KCNH7: variants seen among roughly 807,000 people sequenced by gnomAD.
KCNH7 encodes the protein voltage-gated inwardly rectifying potassium channel KCNH7.
A neutral mutation model predicts 120.8 loss-of-function variants in KCNH7; 49 were observed. That is an observed-to-expected ratio of 0.41 (90% CI 0.32 to 0.51). The LOEUF is 0.51. KCNH7 is among the 20% of genes least tolerant of loss of function. The probability of loss-of-function intolerance (pLI) is 0.38; values close to 1 mark genes in which losing one functional copy is unlikely to be tolerated. For synonymous variants in KCNH7, 547 were observed against 516.1 expected, an observed-to-expected ratio of 1.06 and a Z score of -0.81; for missense variants, 1,097 against 1,446.6, an observed-to-expected ratio of 0.76 and a Z score of 3.92.
At chr2:162,596,028 A>G (rs1285399413) in intron 2 of KCNH7, among the ~76,000 whole-genome samples, 1 of 152,086 alleles carries the variant, frequency 6.6e-6, no homozygotes, top group African/African-American at 2.4e-5. Context: ...ACTGAAAACT[A>G]TAAAAATAAA....
At chr2:162,658,173 CT>C (rs1293510176) in intron 2 of KCNH7, among the ~76,000 whole-genome samples, 14 of 147,346 alleles carry the variant, frequency 9.5e-5, no homozygotes, top group African/African-American at 3.0e-4. Flanking sequence ...ACAGGCTCAG[CT>C]TTTTTTTTTA....
chr2:162,491,915 C>G (rs1488888254), intron 6 of KCNH7, among the ~76,000 whole-genome samples: 1 of 152,164 alleles, frequency 6.6e-6, no homozygotes, highest in African/African-American at 2.4e-5. Context: ...ACTCTGTCTT[C>G]TCTTCGTGGA....
At chr2:162,405,799 AT>A (rs1687197427) in intron 9 of KCNH7, among the ~76,000 whole-genome samples, 2 of 152,108 alleles carry the variant, frequency 1.3e-5, no homozygotes, top group African/African-American at 4.8e-5. Flanking sequence ...TATAGTATCT[AT>A]TTTATGTGTT....
rs150767976 is a variant in KCNH7, at chr2:162,802,249, G to A, written c.307+34288C>T. ...ATAATTTCCCAATATTATCAAATATGATCAAAGTTTCCAATACTCAAATGG... is the reference window on the plus strand; with the variant it reads ...ATAATTTCCCAATATTATCAAATATAATCAAAGTTTCCAATACTCAAATGG... On this transcript the variant is annotated intron_variant, in intron 2 of 15. Coordinates refer to ENST00000332142, the MANE Select transcript of KCNH7 (RefSeq NM_033272.4). Among the ~76,000 whole-genome samples, 63 of 151,798 alleles carry A rather than the reference G, an allele frequency of 4.2e-4. 1 individual carries two copies. The highest frequency in any genetic ancestry group is 7.8e-4 in the Non-Finnish European group (53 of 67,706).
intron 6 of KCNH7, among the ~76,000 whole-genome samples, chr2:162,503,636 A>C (rs545640984): frequency 2.0e-5 from 3 of 152,170 alleles, no homozygotes; most frequent in African/African-American, 7.2e-5. Context: ...TAATTCAAAA[A>C]CTTCAATGCT....
chr2:162,373,928 CCTT>C (rs1193575488), intron 14 of KCNH7, among the ~76,000 whole-genome samples: 3 of 152,082 alleles, frequency 2.0e-5, no homozygotes, highest in South Asian at 2.1e-4. Flanking sequence ...TGTTTACTAA[CCTT>C]CATTGATTTC....
In KCNH7 at chr2:162,411,711, C is replaced by A. The variant is rs200404713; in HGVS notation, c.2155-11270G>T. 9.9e-5 allele frequency among the ~76,000 whole-genome samples: 15 copies of A among 151,750 alleles called. 1 individual carries two copies. The East Asian group carries it at 2.9e-3, about 29-fold the overall frequency. ...TATAGTAGTATTAGTCTTAACACTT[C>A]TTTAATTAAATCAACTATTAAGATA... On this transcript the variant is annotated intron_variant, in intron 9 of 15. Coordinates refer to ENST00000332142, the MANE Select transcript of KCNH7 (RefSeq NM_033272.4).
At chr2:162,662,378 T>C (rs1483993706) in intron 2 of KCNH7, among the ~76,000 whole-genome samples, 1 of 152,224 alleles carries the variant, frequency 6.6e-6, no homozygotes, top group Non-Finnish European at 1.5e-5. Context: ...TTACACACTA[T>C]TGTGGATTTC....
intron 3 of KCNH7, among the ~76,000 whole-genome samples, chr2:162,533,518 T>A (rs1029986742): frequency 6.6e-6 from 1 of 151,654 alleles, no homozygotes; most frequent in Non-Finnish European, 1.5e-5. Context: ...AAGACTCAAG[T>A]GTCATGATTT....
Position 162,384,673 on chromosome 2 carries a change from C to A in KCNH7, c.2962+15G>T, listed in dbSNP as rs1488955537. On this transcript the variant is annotated intron_variant, in intron 13 of 15. Transcript: ENST00000332142. ...GCACTGAAGAGAGACCACCTGATGTCTAACTCTGGATTACCTTTGCAAGAG... is the reference window on the plus strand; with the variant it reads ...GCACTGAAGAGAGACCACCTGATGTATAACTCTGGATTACCTTTGCAAGAG... 7 of 1,610,864 alleles carry A rather than the reference C, an allele frequency of 4.3e-6. No individual in the cohort carries two copies. The highest frequency in any genetic ancestry group is 5.9e-6 in the Non-Finnish European group (7 of 1,178,148).
intron 3 of KCNH7, among the ~76,000 whole-genome samples, chr2:162,529,193 T>C (rs548737495): frequency 2.1e-4 from 32 of 152,078 alleles, no homozygotes; most frequent in African/African-American, 7.2e-4. Context: ...CTTTACGCTG[T>C]AAGTAAACAA....
At chr2:162,407,778 A>C (rs976601213) in intron 9 of KCNH7, among the ~76,000 whole-genome samples, 1 of 151,998 alleles carries the variant, frequency 6.6e-6, no homozygotes, top group African/African-American at 2.4e-5. Context: ...GATGCTCTAC[A>C]AATAGTTCTT....
At chr2:162,837,383 C>A (rs773654909) in intron 1 of KCNH7, among the ~76,000 whole-genome samples, 3 of 152,180 alleles carry the variant, frequency 2.0e-5, no homozygotes, top group Non-Finnish European at 2.9e-5. Context: ...AATATTTACA[C>A]ACACACAGTA....
chr2:162,775,142 C>T (rs1035881014), intron 2 of KCNH7, among the ~76,000 whole-genome samples: 8 of 152,126 alleles, frequency 5.3e-5, no homozygotes, highest in African/African-American at 1.9e-4. Context: ...TACTCTCCTA[C>T]TGCATGCCTT....
chr2:162,526,321 C>T (rs1691703422), intron 3 of KCNH7, among the ~76,000 whole-genome samples: 1 of 151,742 alleles, frequency 6.6e-6, no homozygotes. Flanking sequence ...GTTTCGGGCA[C>T]TCATTGTCAT....
At chr2:162,762,057 C>A (rs772813431) in intron 2 of KCNH7, among the ~76,000 whole-genome samples, 2 of 152,052 alleles carry the variant, frequency 1.3e-5, no homozygotes, top group Non-Finnish European at 2.9e-5. Context: ...GCGTTGCTCT[C>A]TTTGCCTCTC....
At chr2:162,406,370 TTCAC>T (rs1340735250) in intron 9 of KCNH7, among the ~76,000 whole-genome samples, 1 of 151,994 alleles carries the variant, frequency 6.6e-6, no homozygotes, top group Non-Finnish European at 1.5e-5. Context: ...TTTGATTTAT[TTCAC>T]TTAGTATAGT....
chr2:162,776,255 C>A (rs1415681607), intron 2 of KCNH7, among the ~76,000 whole-genome samples: 1 of 152,160 alleles, frequency 6.6e-6, no homozygotes, highest in Non-Finnish European at 1.5e-5. Context: ...TGGGAGGCTT[C>A]ATGTAAGTAT....
chr2:162,746,541 T>A (rs1688322411), intron 2 of KCNH7, among the ~76,000 whole-genome samples: 1 of 151,974 alleles, frequency 6.6e-6, no homozygotes, highest in African/African-American at 2.4e-5. Flanking sequence ...GACTTTACAC[T>A]TTTTTTTCCC....
Sources: gnomAD v4.1 joint callset for allele counts (sites outside exome capture counted in the v4.1 genomes callset) on GRCh38, gnomAD v4.1.1 for gene constraint, MANE v1.5 for transcripts, NCBI Gene and HGNC (gene_info 2026-07-23, HGNC 2026-07-21) for gene names.